Variants in MAPK10 observed in about 807,000 individuals in gnomAD.
The protein encoded by MAPK10 is JNK3 alpha protein kinase.
Under a neutral mutation model 59.3 loss-of-function variants are expected in MAPK10, and 25 were observed. That is an observed-to-expected ratio of 0.42 (90% CI 0.31 to 0.59). The LOEUF (loss-of-function observed/expected upper bound fraction) is 0.59. Ranked by LOEUF, MAPK10 falls within the 20% of genes least tolerant of loss-of-function variation. MAPK10 has a pLI of 0.15. For missense variants in MAPK10, 351 were observed against 568.9 expected (o/e 0.62, Z 3.90); for synonymous variants, 190 against 200.5 (o/e 0.95, Z 0.44).
In MAPK10 at chr4:86,288,338, C is replaced by T. The variant is rs192219135; in HGVS notation, c.-7+66192G>A. ...ATCCCTCCTCCCTCCCCCCACCCCA[C>T]AACAGTCCCCAGAGTGATCACTAAT... On this transcript the variant is annotated intron_variant, in intron 2 of 13. Transcript: ENST00000641462. Among the ~76,000 whole-genome samples, 843 of 126,120 alleles carry T rather than the reference C, an allele frequency of 6.7e-3. 11 individuals are homozygous for T. Among genetic ancestry groups the T allele is most frequent in the African/African-American group, 0.024 (790 of 33,394 alleles). The allele number at this position is 126,120 out of a possible 152,430, so 82.7% of individuals were successfully genotyped here. A position where few individuals can be genotyped will look rare whatever the true frequency, so the allele number is the denominator to read the frequency against.
In MAPK10 at chr4:86,359,494, G is replaced by A. The variant is rs116611801; in HGVS notation, c.-122+164C>T. ...ATGTTCTGCACAGAGGGAAAAACTG[G>A]TAGCTTCTTGCTTCAAAGCTAGTTC... On this transcript the variant is annotated intron_variant, in intron 1 of 13. Coordinates refer to ENST00000641462, the MANE Select transcript of MAPK10 (RefSeq NM_138982.4). 5.0e-3 allele frequency among the ~76,000 whole-genome samples: 760 copies of A among 151,952 alleles called. 3 individuals are homozygous for A. Among genetic ancestry groups the A allele is most frequent in the African/African-American group, 0.017 (716 of 41,448 alleles).
At chr4:86,136,568 C>T (rs1475565010) in intron 4 of MAPK10, among the ~76,000 whole-genome samples, 2 of 150,200 alleles carry the variant, frequency 1.3e-5, no homozygotes, top group African/African-American at 2.5e-5. Flanking sequence ...CAGTACCAGC[C>T]ACTGCAAAAT....
At chr4:86,323,818 A>C (rs777308438) in intron 2 of MAPK10, among the ~76,000 whole-genome samples, 11 of 152,250 alleles carry the variant, frequency 7.2e-5, no homozygotes, top group Non-Finnish European at 1.3e-4. Context: ...GAAAATATAC[A>C]TTGAGAAAAT....
chr4:86,033,344 C>T (rs570207641), intron 11 of MAPK10, among the ~76,000 whole-genome samples: 7 of 152,340 alleles, frequency 4.6e-5, no homozygotes, highest in African/African-American at 1.7e-4. Flanking sequence ...ACACAGTGTA[C>T]ATAAGCTCTC....
chr4:86,495,357 C>T (rs1754798251), intron 1 of MAPK10, among the ~76,000 whole-genome samples: 1 of 152,168 alleles, frequency 6.6e-6, no homozygotes, highest in Non-Finnish European at 1.5e-5. Context: ...CAGTACCAAG[C>T]CCATGGCCAA....
chr4:86,430,218 T>C (rs1747856854), intron 1 of MAPK10, among the ~76,000 whole-genome samples: 2 of 152,164 alleles, frequency 1.3e-5, no homozygotes, highest in African/African-American at 2.4e-5. Flanking sequence ...TAATTATTGA[T>C]TGAAAATCCA....
At chr4:86,470,196 A>G (rs572717917) in intron 1 of MAPK10, among the ~76,000 whole-genome samples, 1 of 152,368 alleles carries the variant, frequency 6.6e-6, no homozygotes, top group African/African-American at 2.4e-5. Flanking sequence ...AGCAGCCAAC[A>G]GAGGAAATTA....
At chr4:86,404,972 G>C (rs1001136551) in intron 1 of MAPK10, among the ~76,000 whole-genome samples, 7 of 152,176 alleles carry the variant, frequency 4.6e-5, no homozygotes, top group Admixed American at 3.3e-4. Flanking sequence ...TTCACAGAAT[G>C]ATTTACATAG....
At position 86,158,411 on chromosome 4, in the gene MAPK10, T is replaced by G. The variant is rs180872181; in HGVS notation, c.236+887A>C. On this transcript the variant is annotated intron_variant, in intron 4 of 13. Transcript: ENST00000641462. ...TAAGTTTATGGTGATTTGCTGTAAA[T>G]TCATCTCATCCCTTAAAAGTGTTTG... Among the ~76,000 whole-genome samples, 145 of 151,974 alleles carry G rather than the reference T, an allele frequency of 9.5e-4. 6 individuals carry two copies. In the East Asian group the frequency reaches 0.016, roughly 17 times the overall value.
rs1384273932 is a variant in MAPK10, at chr4:86,194,258, A to C, written c.66+78T>G. ...GATATAAATACTGACTTTGGTGTGG[A>C]ATGTATGCAAATGGTATGTCAAAGT... On this transcript the variant is annotated intron_variant, in intron 3 of 13. Transcript: ENST00000641462. The C allele has an allele frequency of 2.8e-6, 3 of 1,062,458 alleles. No homozygotes were observed. The East Asian group carries it at 7.1e-5, about 25-fold the overall frequency. 65.8% of individuals were successfully genotyped at this position (1,062,458 alleles called of 1,614,324 possible).
chr4:86,571,302 T>A (rs1273231561), intron 1 of MAPK10, among the ~76,000 whole-genome samples: 1 of 147,600 alleles, frequency 6.8e-6, no homozygotes, highest in Non-Finnish European at 1.5e-5. Flanking sequence ...TACATGTATA[T>A]ATATATTTAC....
chr4:86,107,158 A>G, intron 5 of MAPK10, 65 bp downstream of exon 5: 1 of 1,330,458 alleles, frequency 7.5e-7, no homozygotes, highest in South Asian at 1.3e-5. Flanking sequence ...TCAAGTACAG[A>G]CACATTTTCT....
intron 5 of MAPK10, among the ~76,000 whole-genome samples, chr4:86,105,308 T>G (rs2149080652): frequency 6.6e-6 from 1 of 152,268 alleles, no homozygotes; most frequent in East Asian, 1.9e-4. Context: ...TCATAAAAAG[T>G]TCCAGAAATG....
intron 1 of MAPK10, among the ~76,000 whole-genome samples, chr4:86,592,208 A>C (rs186205792): frequency 6.0e-4 from 92 of 152,262 alleles, no homozygotes; most frequent in Admixed American, 1.3e-3. Flanking sequence ...TGACTTTTAC[A>C]TTATATCCAA....
intron 1 of MAPK10, among the ~76,000 whole-genome samples, chr4:86,441,500 A>C (rs1022435887): frequency 2.0e-5 from 3 of 152,228 alleles, no homozygotes; most frequent in Admixed American, 2.0e-4. Flanking sequence ...ATGCTATTTC[A>C]CAATAGAAAT....
intron 5 of MAPK10, among the ~76,000 whole-genome samples, chr4:86,104,500 A>G (rs376540591): frequency 6.6e-6 from 1 of 152,144 alleles, no homozygotes; most frequent in African/African-American, 2.4e-5. Flanking sequence ...TCATTGGAAC[A>G]TCTACAGTGG....
At chr4:86,404,924 A>C (rs1040354777) in intron 1 of MAPK10, among the ~76,000 whole-genome samples, 5 of 152,204 alleles carry the variant, frequency 3.3e-5, no homozygotes, top group African/African-American at 4.8e-5. Context: ...GCTAACTCAT[A>C]ACCTTGAATA....
intron 1 of MAPK10, among the ~76,000 whole-genome samples, chr4:86,486,578 G>T (rs1042639199): frequency 6.6e-6 from 1 of 152,096 alleles, no homozygotes; most frequent in Non-Finnish European, 1.5e-5. Flanking sequence ...TTATGTTCTT[G>T]GGTGCCAGGT....
At chr4:86,341,312 G>A (rs1365318023) in intron 2 of MAPK10, among the ~76,000 whole-genome samples, 1 of 152,166 alleles carries the variant, frequency 6.6e-6, no homozygotes, top group East Asian at 1.9e-4. Context: ...CCAAGGGCTT[G>A]GTGTATGTTC....
Sources: allele counts gnomAD v4.1 joint callset (sites outside exome capture counted in the v4.1 genomes callset), GRCh38; gene constraint gnomAD v4.1.1; transcripts MANE v1.5; gene names NCBI Gene and HGNC (gene_info 2026-07-23, HGNC 2026-07-21).